Variants in ZNF831 observed in about 807,000 individuals in gnomAD.
ZNF831 encodes the protein zinc finger protein 831, also known as chromosome 20 open reading frame 174.
In ZNF831, 59 loss-of-function variants were observed where a neutral mutation model predicts 95.8. The observed-to-expected ratio is 0.62, with a 90% CI of 0.50 to 0.77. The LOEUF (loss-of-function observed/expected upper bound fraction) is 0.77, where lower values mean the gene tolerates loss of function less well. Among genes scored for constraint, ZNF831 ranks in the 30% least tolerant of loss-of-function variants. ZNF831 has a pLI of 0.00. For missense variants in ZNF831, 2,205 were observed against 2,164.0 expected (o/e 1.02, Z -0.38); for synonymous variants, 961 against 925.5 (o/e 1.04, Z -0.70).
chr20:59,214,608 G>A (rs764313233), intron 4 of ZNF831, among the ~76,000 whole-genome samples: 1 of 152,196 alleles, frequency 6.6e-6, no homozygotes, highest in Non-Finnish European at 1.5e-5. Context: ...TCTCACTTAG[G>A]AAGACAAGCT....
intron 1 of ZNF831, among the ~76,000 whole-genome samples, chr20:59,167,798 C>T (rs1406255835): frequency 6.6e-6 from 1 of 151,954 alleles, no homozygotes; most frequent in Non-Finnish European, 1.5e-5. Flanking sequence ...TGCTTGAACC[C>T]AGGAGGCAGA....
chr20:59,166,054 T>C (rs1981236607), intron 1 of ZNF831, among the ~76,000 whole-genome samples: 1 of 152,202 alleles, frequency 6.6e-6, no homozygotes, highest in African/African-American at 2.4e-5. Context: ...ACCCAGCCCC[T>C]TGTAGTTTCT....
Position 59,149,931 on chromosome 20 carries a change from A to T in ZNF831, c.-1281+3557A>T, listed in dbSNP as rs113225988. Among the ~76,000 whole-genome samples the T allele has an allele frequency of 2.8e-3, 431 of 151,946 alleles. 2 individuals are homozygous for T. Among genetic ancestry groups the T allele is most frequent in the African/African-American group, 9.9e-3 (411 of 41,464 alleles). ...CTCTCCAGGGAGCCTCAATGGCTGG[A>T]CCCCCATCCAACGCCAGCGCCAGCC... is the stretch of plus-strand genomic sequence containing the variant. On this transcript the variant is annotated intron_variant, in intron 2 of 7. Coordinates refer to the ZNF831 transcript ENST00000637017.
At position 59,148,543 on chromosome 20, in the gene ZNF831, G is replaced by C. The variant is rs991709480; in HGVS notation, c.-1281+2169G>C. On this transcript the variant is annotated intron_variant, in intron 2 of 7. Coordinates refer to the ZNF831 transcript ENST00000637017. ...AAAAATACAAAAATTAGCCGGGCAT[G>C]GTGGCGCGCGCCTGTAGTCCCAGCT... Among the ~76,000 whole-genome samples, 14 of 138,992 alleles carry C rather than the reference G, an allele frequency of 1.0e-4. 1 individual carries two copies. Among genetic ancestry groups the C allele is most frequent in the African/African-American group, 3.9e-4 (14 of 36,232 alleles). The allele number at this position is 138,992 out of a possible 152,430, so 91.2% of individuals were successfully genotyped here. A position where few individuals can be genotyped will look rare whatever the true frequency, so the allele number is the denominator to read the frequency against.
At chr20:59,216,882 GTAAA>G (rs1555832271) in intron 4 of ZNF831, among the ~76,000 whole-genome samples, 1 of 151,942 alleles carries the variant, frequency 6.6e-6, no homozygotes, top group South Asian at 2.1e-4. Flanking sequence ...AAGAATTGGG[GTAAA>G]TAGAGTGGGT....
chr20:59,167,872 T>C (rs1254627340), intron 1 of ZNF831, among the ~76,000 whole-genome samples: 3 of 151,078 alleles, frequency 2.0e-5, no homozygotes, highest in Non-Finnish European at 4.4e-5. Flanking sequence ...AGACTCCATC[T>C]CAAAAGAAAA....
At chr20:59,222,228 G>A (rs934863698) in intron 4 of ZNF831, among the ~76,000 whole-genome samples, 2 of 152,316 alleles carry the variant, frequency 1.3e-5, no homozygotes, top group East Asian at 3.9e-4. Context: ...CACGGGCTGG[G>A]CTGAGCTGGG....
At chr20:59,186,560 A>C (rs902529818) in intron 1 of ZNF831, among the ~76,000 whole-genome samples, 2 of 152,234 alleles carry the variant, frequency 1.3e-5, no homozygotes, top group Non-Finnish European at 2.9e-5. Context: ...AAACAGTCTC[A>C]GGGCCACCCT....
rs968967885 is a variant in ZNF831 at position 59,131,632 on chromosome 20, C to T, written c.-1425+8127C>T. Among the ~76,000 whole-genome samples the T allele has an allele frequency of 3.9e-5, 6 of 152,182 alleles. No homozygotes were observed. In the East Asian group the frequency reaches 5.8e-4, roughly 15 times the overall value. Reference sequence around the variant, plus strand: ...CCCGTGCAGGTGTCCCTCTGAGCACCGGGATCCTTAAGGAGTGGCCTGGGC... The same window carrying T: ...CCCGTGCAGGTGTCCCTCTGAGCACTGGGATCCTTAAGGAGTGGCCTGGGC... On this transcript the variant is annotated intron_variant, in intron 1 of 7. Transcript: ENST00000637017.
At chr20:59,195,725 A>G in intron 2 of ZNF831, 144 bp from the exon 3 acceptor site, 1 of 1,468,292 alleles carries the variant, frequency 6.8e-7, no homozygotes, top group Non-Finnish European at 9.0e-7. Context: ...TGAACTTCTC[A>G]GGGGCTCAGC....
chr20:59,251,922 G>C (rs568359949), intron 4 of ZNF831, among the ~76,000 whole-genome samples: 10 of 152,246 alleles, frequency 6.6e-5, no homozygotes, highest in Admixed American at 4.6e-4. Flanking sequence ...TATAAACATG[G>C]AATATTCGCC....
At chr20:59,228,651 C>T (rs922232150) in intron 4 of ZNF831, among the ~76,000 whole-genome samples, 3 of 152,042 alleles carry the variant, frequency 2.0e-5, no homozygotes, top group Non-Finnish European at 2.9e-5. Context: ...AGAGGGCAAG[C>T]GAGTGAGCAC....
Position 59,191,612 on chromosome 20 carries a change from A to G in ZNF831, c.593A>G (p.Asn198Ser), listed in dbSNP as rs2146550579. ...YKHRRTQTHL[N>S]NSRLSSESEG... The stretch of plus-strand genomic sequence containing the variant: ...CACAGGCGGACGCAGACGCACCTCA[A>G]CAACTCCCGGCTGTCCTCAGAGTCC... Residue 198 changes from asparagine to serine, a missense_variant, in exon 2 of 6, where the codon AAC (asparagine) becomes AGC (serine). Transcript: ENST00000371030. 6.3e-7 allele frequency: 1 copy of G among 1,593,224 alleles called. No homozygotes were observed.
In ZNF831 at chr20:59,192,751, G is replaced by A; in HGVS notation, c.1732G>A (p.Ala578Thr). 1 of 1,611,860 alleles carries A rather than the reference G, an allele frequency of 6.2e-7. No homozygotes were observed. The highest frequency in any genetic ancestry group is 8.5e-7 in the Non-Finnish European group (1 of 1,179,606). Residue 578 changes from alanine to threonine, a missense_variant, in exon 2 of 6, where the codon GCC becomes ACC. Transcript: ENST00000371030. This position sits in a 1 kb window ranked among gnomAD's most constrained non-coding sequence, Gnocchi z 5.2. ...CCTGCCAGGCACCCCCATTGGCGAT[G>A]CCCTGGTGCCCGCAGAGGACACAGA... ...EDLPGTPIGD[A>T]LVPAEDTDAK... is the part of the protein sequence containing the mutation.
At chr20:59,185,205 C>G (rs1982919705) in intron 1 of ZNF831, among the ~76,000 whole-genome samples, 2 of 152,128 alleles carry the variant, frequency 1.3e-5, no homozygotes. Context: ...TTATCTGCAG[C>G]TTTTTGAGGT....
chr20:59,198,345 T>C (rs79737373), intron 3 of ZNF831, among the ~76,000 whole-genome samples: 11,471 of 152,292 alleles, frequency 0.075, 587 homozygotes, highest in Non-Finnish European at 0.11. Context: ...TTTCTTGAAA[T>C]ATGGGAAGCT....
At chr20:59,214,320 G>A (rs1985538711) in intron 4 of ZNF831, among the ~76,000 whole-genome samples, 1 of 152,234 alleles carries the variant, frequency 6.6e-6, no homozygotes, top group Non-Finnish European at 1.5e-5. Flanking sequence ...AGATAGTGGA[G>A]TTGTGTCTTC....
At chr20:59,202,324 C>T (rs1601391250) in intron 3 of ZNF831, among the ~76,000 whole-genome samples, 2 of 117,946 alleles carry the variant, frequency 1.7e-5, no homozygotes, top group Admixed American at 8.4e-5. Context: ...TATTTTCAAC[C>T]TTTTTTTTTT....
intron 2 of ZNF831, among the ~76,000 whole-genome samples, chr20:59,158,234 T>C (rs1980648711): frequency 6.6e-6 from 1 of 152,204 alleles, no homozygotes; most frequent in Non-Finnish European, 1.5e-5. Context: ...GGGGGAGCAT[T>C]GGGCACTGAG....
Sources: gnomAD v4.1 joint callset for allele counts (sites outside exome capture counted in the v4.1 genomes callset) on GRCh38, gnomAD v4.1.1 for gene constraint, Gnocchi (gnomAD v3.1) non-coding constraint, MANE v1.5 for transcripts, NCBI Gene and HGNC (gene_info 2026-07-23, HGNC 2026-07-21) for gene names.